Variants in BRSK1 observed in about 807,000 individuals in gnomAD.
BRSK1 encodes the protein BR serine/threonine kinase 1.
A neutral mutation model predicts 86.2 loss-of-function variants in BRSK1; 17 were observed. That is an observed-to-expected ratio of 0.20 (90% CI 0.14 to 0.30). The LOEUF (loss-of-function observed/expected upper bound fraction) is 0.30. Among genes scored for constraint, BRSK1 ranks in the 10% least tolerant of loss-of-function variants. BRSK1 has a pLI of 1.00. For synonymous variants in BRSK1, 464 were observed against 440.1 expected, an observed-to-expected ratio of 1.05 and a Z score of -0.68; for missense variants, 719 against 1,071.9, an observed-to-expected ratio of 0.67 and a Z score of 4.60.
intron 1 of BRSK1, among the ~76,000 whole-genome samples, chr19:55,284,891 G>C (rs905500532): frequency 6.7e-6 from 1 of 150,120 alleles, no homozygotes; most frequent in Non-Finnish European, 1.5e-5. Context: ...AGGAGGGCCT[G>C]GGGGTCTGGA....
chr19:55,284,489 ACCTCC>A lies in BRSK1; in HGVS notation c.50_54del (p.Leu17ProfsTer31). On this transcript the variant is annotated frameshift_variant, in exon 1 of 19. Coordinates refer to ENST00000309383, the MANE Select transcript of BRSK1 (RefSeq NM_032430.2). LOFTEE classifies it high-confidence loss of function. ...GGAGGTGGGGGCTCTCCCGCCTACC[ACCTCC>A]CCCACCCCCACCCCCACCCACCCCA... is the stretch of plus-strand genomic sequence containing the variant. The A allele has an allele frequency of 1.2e-5, 9 of 764,790 alleles. No individual in the cohort carries two copies. The highest frequency in any genetic ancestry group is 1.7e-5 in the Non-Finnish European group (9 of 515,316). The allele number at this position is 764,790 out of a possible 1,614,324, so 47.4% of individuals were successfully genotyped here. A position where few individuals can be genotyped will look rare whatever the true frequency, so the allele number is the denominator to read the frequency against.
chr19:55,305,415 G>T, intron 15 of BRSK1, 46 bp downstream of exon 15: 3 of 1,614,054 alleles, frequency 1.9e-6, no homozygotes, highest in Non-Finnish European at 2.5e-6. Context: ...GGGGATTCAT[G>T]CCCTCGGCGC....
At chr19:55,305,718 A>G (rs1486822742) in intron 16 of BRSK1, 132 bp downstream of exon 16, 1 of 1,405,920 alleles carries the variant, frequency 7.1e-7, no homozygotes, top group Non-Finnish European at 9.7e-7. Context: ...TTATGGCCAG[A>G]GTTGGTTAGA....
chr19:55,294,310 A>G lies in BRSK1; in HGVS notation c.610-19A>G, dbSNP rs762516603. On this transcript the variant is annotated intron_variant, in intron 6 of 18. Coordinates refer to ENST00000309383, the MANE Select transcript of BRSK1 (RefSeq NM_032430.2). The surrounding 1 kb of genome is among the most constrained non-coding windows in gnomAD (Gnocchi z 4.9). Reference sequence around the variant, plus strand: ...CAGCAGTGAGGAGCGATGAAGTCACAACTGGCCTTCCCTTCCAGGGGGAAA... The same window carrying G: ...CAGCAGTGAGGAGCGATGAAGTCACGACTGGCCTTCCCTTCCAGGGGGAAA... The G allele has an allele frequency of 1.2e-6, 2 of 1,614,164 alleles. No homozygotes were observed. Among genetic ancestry groups the G allele is most frequent in the Non-Finnish European group, 8.5e-7 (1 of 1,180,034 alleles).
In BRSK1 at chr19:55,306,656, A is replaced by C. The variant is rs1402923190; in HGVS notation, c.2089+206A>C. Among the ~76,000 whole-genome samples, 3 of 152,220 alleles carry C rather than the reference A, an allele frequency of 2.0e-5. No homozygotes were observed. Among genetic ancestry groups the C allele is most frequent in the Admixed American group, 6.5e-5 (1 of 15,286 alleles). ...TCTCATCAGCATTTCCCTGGCATTT[A>C]CAGTGTAAATAATGAATGCATTATC... On this transcript the variant is annotated intron_variant, in intron 17 of 18. Transcript: ENST00000309383. This position sits in a 1 kb window ranked among gnomAD's most constrained non-coding sequence, Gnocchi z 4.7.
At position 55,304,006 on chromosome 19, in the gene BRSK1, C is replaced by A; in HGVS notation, c.1287-44C>A. 6.4e-7 allele frequency: 1 copy of A among 1,568,738 alleles called. No homozygotes were observed. Among genetic ancestry groups the A allele is most frequent in the South Asian group, 1.2e-5 (1 of 84,994 alleles). On this transcript the variant is annotated intron_variant, in intron 12 of 18. Coordinates refer to ENST00000309383, the MANE Select transcript of BRSK1 (RefSeq NM_032430.2). The surrounding 1 kb of genome is among the most constrained non-coding windows in gnomAD (Gnocchi z 5.2). Reference sequence around the variant, plus strand: ...GAGGGAACATCTGTGGTTTTTGAAACCCTCCCATCTGATTTTTTTTTTTTA... The same window carrying A: ...GAGGGAACATCTGTGGTTTTTGAAAACCTCCCATCTGATTTTTTTTTTTTA...
intron 18 of BRSK1, 83 bp from the exon 19 acceptor site, chr19:55,311,828 G>C: frequency 6.9e-7 from 1 of 1,449,932 alleles, no homozygotes; most frequent in Non-Finnish European, 9.4e-7. Context: ...CGACTGATGA[G>C]GAGACTCTGC....
In BRSK1 at chr19:55,287,680, C is replaced by G. The variant is rs954219889; in HGVS notation, c.317+381C>G. Among the ~76,000 whole-genome samples the G allele has an allele frequency of 1.3e-5, 2 of 152,238 alleles. No homozygotes were observed. The highest frequency in any genetic ancestry group is 1.9e-4 in the East Asian group (1 of 5,200). ...GCCTAGCAAAGCCCAAAGGATCTTC[C>G]CAAACCCCAACTCTGGAGCACTGGA... On this transcript the variant is annotated intron_variant, in intron 3 of 18. Transcript: ENST00000309383. The surrounding 1 kb of genome is among the most constrained non-coding windows in gnomAD (Gnocchi z 5.3).
chr19:55,284,162 A>T lies in BRSK1; in HGVS notation c.-281A>T. The T allele has an allele frequency of 3.5e-6, 3 of 850,140 alleles. No individual in the cohort carries two copies. Among genetic ancestry groups the T allele is most frequent in the Non-Finnish European group, 4.6e-6 (3 of 656,694 alleles). The allele number at this position is 850,140 out of a possible 1,614,324, so 52.7% of individuals were successfully genotyped here. A position where few individuals can be genotyped will look rare whatever the true frequency, so the allele number is the denominator to read the frequency against. On this transcript the variant is annotated 5_prime_UTR_variant, in exon 1 of 19. The change creates a new upstream start codon in the 5' untranslated region. Coordinates refer to ENST00000309383, the MANE Select transcript of BRSK1 (RefSeq NM_032430.2). ...CCCCCCGGCGGGGGGAGGCGCAGGA[A>T]GCGGGGGGCCGGCCAGAAACGGGCT...
chr19:55,301,704 A>G, intron 8 of BRSK1, 46 bp downstream of exon 8: 1 of 1,590,360 alleles, frequency 6.3e-7, no homozygotes, highest in South Asian at 1.1e-5. Context: ...GTGGCCGATG[A>G]AGACAGAACC....
chr19:55,297,601 G>A (rs2088508004), intron 7 of BRSK1, among the ~76,000 whole-genome samples: 1 of 152,142 alleles, frequency 6.6e-6, no homozygotes, highest in African/African-American at 2.4e-5. Context: ...GAGCAGCCGA[G>A]GTGCTCTGGA....
intron 4 of BRSK1, 36 bp downstream of exon 4, chr19:55,289,656 G>A (rs772059132): frequency 6.2e-7 from 1 of 1,608,398 alleles, no homozygotes. Flanking sequence ...AGGGGCTGAG[G>A]GCTGCCCAGC....
chr19:55,285,323 G>A (rs566119479), intron 1 of BRSK1, among the ~76,000 whole-genome samples: 2 of 152,216 alleles, frequency 1.3e-5, no homozygotes, highest in African/African-American at 2.4e-5. Context: ...GGGACAGGGA[G>A]TTTGGGGCCC....
chr19:55,293,279 C>T (rs1010778865), intron 4 of BRSK1, among the ~76,000 whole-genome samples: 7 of 151,970 alleles, frequency 4.6e-5, no homozygotes, highest in African/African-American at 7.3e-5. Context: ...TGTGGTGAGC[C>T]GAGATCACGC....
rs1485689834 is a variant in BRSK1 at position 55,302,022 on chromosome 19, G to C, written c.826-115G>C. On this transcript the variant is annotated intron_variant, in intron 8 of 18. Coordinates refer to ENST00000309383, the MANE Select transcript of BRSK1 (RefSeq NM_032430.2). This position sits in a 1 kb window ranked among gnomAD's most constrained non-coding sequence, Gnocchi z 6.3. Reference sequence around the variant, plus strand: ...CGATGTAATATGTCATCCTGCCCCCGGTGGGGTGGGCGGGGAGATGATCAG... The same window carrying C: ...CGATGTAATATGTCATCCTGCCCCCCGTGGGGTGGGCGGGGAGATGATCAG... 2 of 1,207,254 alleles carry C rather than the reference G, an allele frequency of 1.7e-6. No homozygotes were observed. The highest frequency in any genetic ancestry group is 3.4e-5 in the Admixed American group (2 of 59,490). 74.8% of individuals were successfully genotyped at this position (1,207,254 alleles called of 1,614,324 possible). A position where few individuals can be genotyped will look rare whatever the true frequency, so the allele number is the denominator to read the frequency against.
chr19:55,290,635 G>GTTTTT (rs1175992983), intron 4 of BRSK1, among the ~76,000 whole-genome samples: 1 of 149,566 alleles, frequency 6.7e-6, no homozygotes, highest in Non-Finnish European at 1.5e-5. Flanking sequence ...TACACCTCAT[G>GTTTTT]CTTTTTCTTT....
chr19:55,298,118 T>G (rs1480869908), intron 7 of BRSK1, among the ~76,000 whole-genome samples: 4 of 151,628 alleles, frequency 2.6e-5, no homozygotes, highest in Non-Finnish European at 4.4e-5. Flanking sequence ...CCCAGCCCAC[T>G]GTGAGGGTTT....
In BRSK1 at chr19:55,308,737, T is replaced by TGGGGCCGTGGGTGGTG; in HGVS notation, c.2179+14_2179+29dup. 1.5e-6 allele frequency: 2 copies of TGGGGCCGTGGGTGGTG among 1,324,336 alleles called. No homozygotes were observed. The highest frequency in any genetic ancestry group is 2.0e-6 in the Non-Finnish European group (2 of 997,762). The allele number at this position is 1,324,336 out of a possible 1,614,324, so 82.0% of individuals were successfully genotyped here. A position where few individuals can be genotyped will look rare whatever the true frequency, so the allele number is the denominator to read the frequency against. ...CGTGCAGGCCCTGGCAGGTGGGTGG[T>TGGGGCCGTGGGTGGTG]GGGGCCGTGGGTGGTGGGGGGCGTG... On this transcript the variant is annotated intron_variant, in intron 18 of 18. Transcript: ENST00000309383.
intron 16 of BRSK1, 134 bp downstream of exon 16, chr19:55,305,720 T>G: frequency 7.1e-7 from 1 of 1,400,394 alleles, no homozygotes; most frequent in Non-Finnish European, 9.7e-7. Flanking sequence ...ATGGCCAGAG[T>G]TGGTTAGAAG....
Sources: gnomAD v4.1 joint callset for allele counts (sites outside exome capture counted in the v4.1 genomes callset) on GRCh38, gnomAD v4.1.1 for gene constraint, Gnocchi (gnomAD v3.1) non-coding constraint, MANE v1.5 for transcripts, NCBI Gene and HGNC (gene_info 2026-07-23, HGNC 2026-07-21) for gene names.